The following CWH43 variants were observed in gnomAD, a reference collection of about 807,000 sequenced individuals.
CWH43 encodes cell wall biogenesis 43 C-terminal homolog.
Under a neutral mutation model 85.7 loss-of-function variants are expected in CWH43, and 91 were observed. That is an observed-to-expected ratio of 1.06 (90% confidence interval 0.90 to 1.26). The LOEUF (loss-of-function observed/expected upper bound fraction) is 1.26. Ranked by LOEUF, CWH43 falls within the 50% of genes most tolerant of loss-of-function variation. The probability of loss-of-function intolerance (pLI) is 0.00; values close to 1 mark genes in which losing one functional copy is unlikely to be tolerated. For synonymous variants in CWH43, 323 were observed against 293.6 expected (o/e 1.10, Z -1.02); for missense variants, 869 against 839.2 (o/e 1.04, Z -0.44).
intron 15 of CWH43, among the ~76,000 whole-genome samples, chr4:49,054,909 G>A (rs1433494915): frequency 2.6e-5 from 4 of 151,200 alleles, no homozygotes; most frequent in African/African-American, 4.9e-5. Flanking sequence ...TTTCAGTGGA[G>A]TTTTTAGGGA....
At chr4:49,029,179 C>T (rs1302375427) in intron 10 of CWH43, among the ~76,000 whole-genome samples, 2 of 152,240 alleles carry the variant, frequency 1.3e-5, no homozygotes, top group East Asian at 1.9e-4. Flanking sequence ...CCATTTTGAT[C>T]TGTACTAAGA....
At chr4:48,993,725 A>T (rs1189304628) in intron 4 of CWH43, among the ~76,000 whole-genome samples, 1 of 152,194 alleles carries the variant, frequency 6.6e-6, no homozygotes, top group East Asian at 1.9e-4. Context: ...TAGCTGTGTG[A>T]ACTTGGAAAG....
chr4:48,993,548 A>G (rs921376874), intron 4 of CWH43, among the ~76,000 whole-genome samples: 1 of 152,162 alleles, frequency 6.6e-6, no homozygotes. Flanking sequence ...CATCTGCCCA[A>G]TAGGCTCTCT....
intron 12 of CWH43, among the ~76,000 whole-genome samples, chr4:49,036,463 T>G (rs1560507297): frequency 1.3e-5 from 2 of 152,252 alleles, no homozygotes; most frequent in Non-Finnish European, 2.9e-5. Context: ...GAGACATCTT[T>G]TAATAGCCCT....
At chr4:48,994,314 A>C (rs1191797341) in intron 4 of CWH43, among the ~76,000 whole-genome samples, 1 of 152,142 alleles carries the variant, frequency 6.6e-6, no homozygotes, top group Non-Finnish European at 1.5e-5. Flanking sequence ...ACAAACACAA[A>C]CACTTTTTCT....
intron 7 of CWH43, among the ~76,000 whole-genome samples, chr4:49,004,859 T>A (rs992407182): frequency 6.6e-6 from 1 of 152,232 alleles, no homozygotes; most frequent in African/African-American, 2.4e-5. Context: ...TAAAAATTGA[T>A]TCACATACCA....
chr4:48,987,057 A>G (rs1782518506), intron 1 of CWH43, among the ~76,000 whole-genome samples: 1 of 152,110 alleles, frequency 6.6e-6, no homozygotes, highest in African/African-American at 2.4e-5. Context: ...TATTGGTGTA[A>G]TTCTGTCGGA....
At chr4:49,002,553 C>A (rs1191515299) in intron 6 of CWH43, among the ~76,000 whole-genome samples, 3 of 152,092 alleles carry the variant, frequency 2.0e-5, no homozygotes, top group African/African-American at 7.2e-5. Context: ...CTTAGACAAT[C>A]CTTAATTGCT....
At chr4:49,020,372 ATAG>A (rs1783703439) in intron 9 of CWH43, among the ~76,000 whole-genome samples, 2 of 101,110 alleles carry the variant, frequency 2.0e-5, no homozygotes, top group Admixed American at 1.2e-4. Context: ...TTATGGCTGA[ATAG>A]TATTCCATTA....
chr4:49,038,262 C>A, intron 13 of CWH43, 82 bp downstream of exon 13: 1 of 1,289,976 alleles, frequency 7.8e-7, no homozygotes, highest in Non-Finnish European at 1.1e-6. Flanking sequence ...ACCAACCTCA[C>A]CTAAAAATTT....
intron 7 of CWH43, among the ~76,000 whole-genome samples, chr4:49,005,694 C>T (rs1032085410): frequency 2.6e-5 from 4 of 151,780 alleles, no homozygotes; most frequent in Admixed American, 2.6e-4. Context: ...GCACACACCA[C>T]CATGCCTGGC....
chr4:49,050,735 C>T lies in CWH43; in HGVS notation c.1907C>T (p.Ser636Leu), dbSNP rs377674536. ...ARISHAELSDSEIQMAKFRIP... is the reference protein window; with the variant it reads ...ARISHAELSDLEIQMAKFRIP... ...ATCTCCCATGCTGAACTGAGTGATT[C>T]AGAAATTCAGATGGCAAAATTTAGG... is the stretch of plus-strand genomic sequence containing the variant. The change falls in exon 15 of 16, where the codon TCA (serine) becomes TTA (leucine). Residue 636 changes from serine to leucine, a missense_variant. This residue lies in a region of CWH43 where 577 missense variants were observed against 513.1 expected (regional missense o/e 1.12). Transcript: ENST00000226432. 1.5e-5 allele frequency: 24 copies of T among 1,612,910 alleles called. No homozygotes were observed. Among genetic ancestry groups the T allele is most frequent in the Non-Finnish European group, 1.9e-5 (22 of 1,179,232 alleles).
At position 49,017,298 on chromosome 4, in the gene CWH43, T is replaced by A. The variant is rs1166610374; in HGVS notation, c.1236T>A (p.His412Gln). 5 of 1,612,212 alleles carry A rather than the reference T, an allele frequency of 3.1e-6. No individual in the cohort carries two copies. Among genetic ancestry groups the A allele is most frequent in the African/African-American group, 1.3e-5 (1 of 74,912 alleles). ...GATTGTTGGGATTAGGACTACGGCATAAAGCCTATGAGAGAAAACTGGGCA... is the reference window on the plus strand; with the variant it reads ...GATTGTTGGGATTAGGACTACGGCAAAAAGCCTATGAGAGAAAACTGGGCA... ...GVGLLGLGLR[H>Q]KAYERKLGKV... The change falls in exon 9 of 16, where the codon CAT (histidine) becomes CAA (glutamine). Residue 412 changes from histidine (H) to glutamine (Q), a missense_variant. By Grantham distance (24) the His-to-Gln change is conservative. Transcript: ENST00000226432.
chr4:49,047,014 T>A (rs969126770), intron 14 of CWH43, among the ~76,000 whole-genome samples: 7 of 152,158 alleles, frequency 4.6e-5, no homozygotes, highest in Non-Finnish European at 8.8e-5. Flanking sequence ...AGCCTTAGTC[T>A]TTTCTCCATA....
intron 10 of CWH43, 87 bp from the exon 11 acceptor site, chr4:49,030,737 AG>A: frequency 1.6e-6 from 2 of 1,271,512 alleles, no homozygotes. Context: ...AAAGAAAAAA[AG>A]GTTAAGGGTC....
chr4:49,050,571 G>A (rs1200129900), intron 14 of CWH43, 123 bp from the exon 15 acceptor site: 5 of 631,626 alleles, frequency 7.9e-6, no homozygotes, highest in Non-Finnish European at 1.3e-5. Context: ...AATTCCAGTT[G>A]TGATATACAG....
intron 9 of CWH43, 32 bp from the exon 10 acceptor site, chr4:49,028,597 C>T: frequency 2.0e-6 from 3 of 1,510,202 alleles, no homozygotes; most frequent in Non-Finnish European, 2.7e-6. Context: ...TGTTCACAGT[C>T]ATCCTAAACT....
intron 9 of CWH43, among the ~76,000 whole-genome samples, chr4:49,027,713 T>G (rs1783959081): frequency 6.6e-6 from 1 of 152,216 alleles, no homozygotes; most frequent in African/African-American, 2.4e-5. Flanking sequence ...ATTCTTTATT[T>G]TAAAATATAC....
chr4:49,018,196 C>T (rs949017809), intron 9 of CWH43, among the ~76,000 whole-genome samples: 5 of 152,102 alleles, frequency 3.3e-5, no homozygotes, highest in Non-Finnish European at 7.4e-5. Context: ...TACAACAACA[C>T]CAAAGGGGGT....
Sources: gnomAD v4.1 joint callset for allele counts (sites outside exome capture counted in the v4.1 genomes callset) on GRCh38, gnomAD v4.1.1 for gene constraint, gnomAD v4.1.1 regional missense constraint, MANE v1.5 for transcripts, NCBI Gene and HGNC (gene_info 2026-07-23, HGNC 2026-07-21) for gene names.